Variants in IP6K3 observed in about 807,000 individuals in gnomAD.
IP6K3 encodes ATP:1D-myo-inositol-hexakisphosphate phosphotransferase.
IP6K3 carries 20 observed loss-of-function variants against 28.8 expected under a neutral mutation model. The ratio of observed to expected loss-of-function variants is 0.70; its 90% CI spans 0.49 to 1.01. The LOEUF (loss-of-function observed/expected upper bound fraction) is 1.01, where lower values mean the gene tolerates loss of function less well. IP6K3 is among the 50% of genes least tolerant of loss of function. The probability of loss-of-function intolerance (pLI) is 0.00; values close to 1 mark genes in which losing one functional copy is unlikely to be tolerated. For missense variants in IP6K3, 480 were observed against 537.1 expected, an observed-to-expected ratio of 0.89 and a Z score of 1.05; for synonymous variants, 213 against 221.3, an observed-to-expected ratio of 0.96 and a Z score of 0.33.
At chr6:33,729,873 C>G (rs1357980938) in intron 2 of IP6K3, among the ~76,000 whole-genome samples, 1 of 151,976 alleles carries the variant, frequency 6.6e-6, no homozygotes, top group African/African-American at 2.4e-5. Context: ...GCCACTGCAC[C>G]CGGCTAATTT....
At chr6:33,754,982 A>G in the IP6K3 span, among the ~76,000 whole-genome samples, 1 of 152,166 alleles carries the variant, frequency 6.6e-6, no homozygotes, top group Non-Finnish European at 1.5e-5. Flanking sequence ...CTGACTCCTC[A>G]CACAGGGTTG....
chr6:33,762,029 T>C, the IP6K3 span, among the ~76,000 whole-genome samples: 1 of 152,158 alleles, frequency 6.6e-6, no homozygotes, highest in African/African-American at 2.4e-5. Flanking sequence ...GCAGGCCCCA[T>C]GTTGGCCACA....
At chr6:33,749,332 G>C (rs998684038), upstream of IP6K3, among the ~76,000 whole-genome samples, 2 of 152,066 alleles carry the variant, frequency 1.3e-5, no homozygotes, top group Non-Finnish European at 2.9e-5. Flanking sequence ...TATGTGATCT[G>C]AGACATACAG....
At chr6:33,741,093 G>A (rs182782339) in intron 1 of IP6K3, among the ~76,000 whole-genome samples, 228 of 152,292 alleles carry the variant, frequency 1.5e-3, no homozygotes, top group African/African-American at 5.4e-3. Context: ...TTCTGGGTGG[G>A]AACTTCAAGA....
At chr6:33,728,640 C>T (rs1368700117) in intron 2 of IP6K3, among the ~76,000 whole-genome samples, 1 of 152,224 alleles carries the variant, frequency 6.6e-6, no homozygotes, top group Non-Finnish European at 1.5e-5. Context: ...TCACACCTCC[C>T]AGTCACACCA....
In IP6K3 at chr6:33,744,973, G is replaced by A. The variant is rs55687422; in HGVS notation, c.-180+1785C>T. On this transcript the variant is annotated intron_variant, in intron 1 of 5. Transcript: ENST00000293756. The surrounding 1 kb of genome is among the most constrained non-coding windows in gnomAD (Gnocchi z 4.4). ...GATCTCCACCCCATCTGTCCATCCC[G>A]CCCAGGCTGTGGCACCCTGGTGGGT... 3.9e-5 allele frequency among the ~76,000 whole-genome samples: 6 copies of A among 152,154 alleles called. No homozygotes were observed. The highest frequency in any genetic ancestry group is 3.2e-3 in the Middle Eastern group (1 of 316).
At chr6:33,759,705 T>TAAC in the IP6K3 span, among the ~76,000 whole-genome samples, 1 of 151,950 alleles carries the variant, frequency 6.6e-6, no homozygotes, top group East Asian at 1.9e-4. Flanking sequence ...CTACTAAAAA[T>TAAC]AACAACAACA....
chr6:33,726,720 G>T lies in IP6K3; in HGVS notation c.589+11C>A. 1.9e-6 allele frequency: 3 copies of T among 1,567,300 alleles called. No individual in the cohort carries two copies. In the Admixed American group the frequency reaches 5.1e-5, roughly 27 times the overall value. ...CCTTGGGACCACATGTGAGGGGGAT[G>T]GCAAGGATACGATGCCGCTTGTTCT... On this transcript the variant is annotated intron_variant, in intron 4 of 5. Coordinates refer to ENST00000293756, the MANE Select transcript of IP6K3 (RefSeq NM_054111.5).
At chr6:33,737,320 TG>T (rs1378215193) in intron 1 of IP6K3, among the ~76,000 whole-genome samples, 2 of 127,754 alleles carry the variant, frequency 1.6e-5, no homozygotes, top group East Asian at 4.0e-4. Context: ...CCCACAGCGG[TG>T]CCCTGAGAGC....
intron 2 of IP6K3, 67 bp downstream of exon 2, chr6:33,735,211 G>C: frequency 7.5e-7 from 1 of 1,331,986 alleles, no homozygotes; most frequent in Non-Finnish European, 1.1e-6. Flanking sequence ...GGACGTGGTG[G>C]GTGCATTGGA....
At chr6:33,760,655 G>A in the IP6K3 span, among the ~76,000 whole-genome samples, 1 of 152,210 alleles carries the variant, frequency 6.6e-6, no homozygotes, top group African/African-American at 2.4e-5. Flanking sequence ...AGCCTCCCAA[G>A]TAGCTGGGAC....
At chr6:33,726,576 G>A (rs1766120894) in intron 4 of IP6K3, among the ~76,000 whole-genome samples, 155 bp downstream of exon 4, 1 of 152,114 alleles carries the variant, frequency 6.6e-6, no homozygotes, top group Non-Finnish European at 1.5e-5. Context: ...CGGGTTTGAG[G>A]GCTTGTGCCT....
chr6:33,758,538 C>T, the IP6K3 span, among the ~76,000 whole-genome samples: 1 of 152,112 alleles, frequency 6.6e-6, no homozygotes, highest in Non-Finnish European at 1.5e-5. Context: ...ACAGAAACCT[C>T]AGGGAATAAA....
At chr6:33,728,350 C>G (rs1766200253) in intron 2 of IP6K3, 50 bp from the exon 3 acceptor site, 1 of 1,554,314 alleles carries the variant, frequency 6.4e-7, no homozygotes, top group Admixed American at 1.7e-5. Context: ...AGAGAGCCTC[C>G]ACACGGACAT....
At chr6:33,737,318 G>A (rs760367022) in intron 1 of IP6K3, among the ~76,000 whole-genome samples, 19 of 127,164 alleles carry the variant, frequency 1.5e-4, no homozygotes, top group South Asian at 8.7e-4. Context: ...TTCCCACAGC[G>A]GTGCCCTGAG....
the IP6K3 span, among the ~76,000 whole-genome samples, chr6:33,753,335 A>T: frequency 6.6e-6 from 1 of 152,140 alleles, no homozygotes; most frequent in Non-Finnish European, 1.5e-5. Context: ...AGAATATTTG[A>T]ATCTGGCATT....
intron 2 of IP6K3, among the ~76,000 whole-genome samples, chr6:33,730,972 T>G (rs1766301495): frequency 6.6e-6 from 1 of 152,348 alleles, no homozygotes; most frequent in Middle Eastern, 3.4e-3. Context: ...TCGTCAGCGC[T>G]GAGGGCTGGG....
chr6:33,738,454 A>T (rs1766605794), intron 1 of IP6K3, among the ~76,000 whole-genome samples: 1 of 152,258 alleles, frequency 6.6e-6, no homozygotes. Flanking sequence ...TGGCAAGGAA[A>T]TAATGGCAAT....
chr6:33,727,957 G>A (rs1164976207), intron 3 of IP6K3, 130 bp downstream of exon 3: 16 of 1,452,468 alleles, frequency 1.1e-5, no homozygotes, highest in East Asian at 7.4e-5. Context: ...ATTCTAGACA[G>A]AGCATTCATC....
Sources: gnomAD v4.1 joint callset for allele counts (sites outside exome capture counted in the v4.1 genomes callset) on GRCh38, gnomAD v4.1.1 for gene constraint, Gnocchi (gnomAD v3.1) non-coding constraint, MANE v1.5 for transcripts, NCBI Gene and HGNC (gene_info 2026-07-23, HGNC 2026-07-21) for gene names.